Variants in FBXW4 observed in about 807,000 individuals in gnomAD.
FBXW4 encodes the protein F-box/WD repeat-containing protein 4.
A neutral mutation model predicts 61.8 loss-of-function variants in FBXW4; 40 were observed. The ratio of observed to expected loss-of-function variants is 0.65; its 90% CI spans 0.50 to 0.84. FBXW4 has a LOEUF of 0.84. Among genes scored for constraint, FBXW4 ranks in the 40% least tolerant of loss-of-function variants. The probability of loss-of-function intolerance (pLI) is 0.00; values close to 1 mark genes in which losing one functional copy is unlikely to be tolerated. For synonymous variants in FBXW4, 311 were observed against 313.8 expected (o/e 0.99, Z 0.10); for missense variants, 672 against 753.8 (o/e 0.89, Z 1.27).
chr10:101,624,728 G>T lies in FBXW4; in HGVS notation c.1301+17C>A, dbSNP rs756138293. The T allele has an allele frequency of 1.2e-6, 2 of 1,613,878 alleles. No homozygotes were observed. Among genetic ancestry groups the T allele is most frequent in the Non-Finnish European group, 1.7e-6 (2 of 1,179,770 alleles). ...CCTCCTGGACTGGAAGCCAGCATGG[G>T]CTCATGAATCTCTTACCTGTTGAGG... On this transcript the variant is annotated intron_variant, in intron 6 of 8. Transcript: ENST00000331272.
intron 7 of FBXW4, 29 bp downstream of exon 7, chr10:101,612,308 C>G: frequency 6.6e-7 from 1 of 1,508,194 alleles, no homozygotes; most frequent in East Asian, 2.4e-5. Flanking sequence ...GGGCCCCCAC[C>G]ACCTGTCCTC....
At chr10:101,634,552 T>C (rs1046986063) in intron 5 of FBXW4, among the ~76,000 whole-genome samples, 1 of 149,162 alleles carries the variant, frequency 6.7e-6, no homozygotes. Flanking sequence ...AATAGGTGAA[T>C]AGATCAGTGG....
At chr10:101,616,853 T>C (rs571818051) in intron 6 of FBXW4, among the ~76,000 whole-genome samples, 7 of 152,324 alleles carry the variant, frequency 4.6e-5, no homozygotes, top group Middle Eastern at 3.4e-3. Context: ...CAGGCCCCGA[T>C]TGTAGATAAG....
chr10:101,621,941 G>A (rs2063869647), intron 6 of FBXW4, among the ~76,000 whole-genome samples: 1 of 152,116 alleles, frequency 6.6e-6, no homozygotes, highest in Non-Finnish European at 1.5e-5. Flanking sequence ...CACAGCTTCA[G>A]GGAGCAAATC....
chr10:101,664,609 A>G (rs1459985736), intron 5 of FBXW4, among the ~76,000 whole-genome samples: 1 of 152,200 alleles, frequency 6.6e-6, no homozygotes, highest in Non-Finnish European at 1.5e-5. Context: ...CTGAGTCCCC[A>G]CCTCAAGAAG....
intron 5 of FBXW4, among the ~76,000 whole-genome samples, chr10:101,666,130 A>T (rs571914469): frequency 6.6e-6 from 1 of 152,282 alleles, no homozygotes; most frequent in Non-Finnish European, 1.5e-5. Context: ...GACAAAGCTC[A>T]ATGGCTCCAT....
intron 5 of FBXW4, among the ~76,000 whole-genome samples, chr10:101,662,491 T>C (rs1202308693): frequency 2.0e-5 from 3 of 152,184 alleles, no homozygotes; most frequent in Non-Finnish European, 4.4e-5. Flanking sequence ...CACAAAATTA[T>C]ATTGTATATT....
intron 5 of FBXW4, among the ~76,000 whole-genome samples, chr10:101,629,302 T>G (rs79467160): frequency 6.6e-6 from 1 of 152,074 alleles, no homozygotes; most frequent in Non-Finnish European, 1.5e-5. Context: ...TTTTTTTTTT[T>G]GAGACAGAGT....
At chr10:101,672,201 G>A (rs1392989993) in intron 4 of FBXW4, among the ~76,000 whole-genome samples, 3 of 152,186 alleles carry the variant, frequency 2.0e-5, no homozygotes, top group African/African-American at 7.2e-5. Flanking sequence ...TGTCAGCAAA[G>A]TTCCCACAGC....
intron 3 of FBXW4, 52 bp downstream of exon 3, chr10:101,673,436 T>C: frequency 6.3e-7 from 1 of 1,595,420 alleles, no homozygotes; most frequent in Non-Finnish European, 8.6e-7. Context: ...AGGCAGAATG[T>C]CCCCGAAGTA....
At chr10:101,678,488 C>A (rs1344726154) in intron 1 of FBXW4, among the ~76,000 whole-genome samples, 1 of 152,184 alleles carries the variant, frequency 6.6e-6, no homozygotes, top group Non-Finnish European at 1.5e-5. Context: ...TGCAGTGGCA[C>A]GATCTCGGCT....
intron 2 of FBXW4, among the ~76,000 whole-genome samples, chr10:101,675,877 TGCC>T (rs2064403163): frequency 6.6e-6 from 1 of 152,160 alleles, no homozygotes; most frequent in Non-Finnish European, 1.5e-5. Flanking sequence ...GATCCTACCC[TGCC>T]TTTTAATAAA....
chr10:101,681,261 G>A (rs755653241), intron 1 of FBXW4, among the ~76,000 whole-genome samples: 2 of 151,772 alleles, frequency 1.3e-5, no homozygotes, highest in African/African-American at 2.4e-5. Context: ...TGTAGTGGGC[G>A]TCTGCAATCC....
intron 5 of FBXW4, among the ~76,000 whole-genome samples, chr10:101,641,053 A>C (rs545373025): frequency 7.5e-6 from 1 of 133,476 alleles, no homozygotes; most frequent in African/African-American, 2.9e-5. Context: ...CTGGTGTCGA[A>C]CTCCTGACCT....
At chr10:101,635,922 G>C (rs995239459) in intron 5 of FBXW4, among the ~76,000 whole-genome samples, 5 of 152,048 alleles carry the variant, frequency 3.3e-5, no homozygotes, top group Admixed American at 6.5e-5. Flanking sequence ...ACCCTGGGGG[G>C]GCGGGCGGAG....
intron 5 of FBXW4, among the ~76,000 whole-genome samples, chr10:101,637,096 A>C (rs1427243251): frequency 1.3e-5 from 2 of 151,908 alleles, no homozygotes; most frequent in Non-Finnish European, 2.9e-5. Context: ...TTAAAAAGCC[A>C]CCATGGGCCG....
chr10:101,681,094 A>G (rs146716253), intron 1 of FBXW4, among the ~76,000 whole-genome samples: 801 of 152,336 alleles, frequency 5.3e-3, no homozygotes, highest in Non-Finnish European at 8.6e-3. Context: ...GTCTCCATAA[A>G]TAACAGGTCT....
chr10:101,666,757 C>T (rs2064304674), intron 5 of FBXW4, among the ~76,000 whole-genome samples: 1 of 152,018 alleles, frequency 6.6e-6, no homozygotes, highest in Non-Finnish European at 1.5e-5. Context: ...CCTCACTTGT[C>T]CATAGGTAAA....
intron 5 of FBXW4, among the ~76,000 whole-genome samples, chr10:101,658,501 C>T (rs139179531): frequency 0.086 from 13,044 of 152,112 alleles, 631 homozygotes; most frequent in African/African-American, 0.13. Flanking sequence ...GCCGAGATCG[C>T]GCCACTGCAC....
Sources: gnomAD v4.1 joint callset for allele counts (sites outside exome capture counted in the v4.1 genomes callset) on GRCh38, gnomAD v4.1.1 for gene constraint, MANE v1.5 for transcripts, NCBI Gene and HGNC (gene_info 2026-07-23, HGNC 2026-07-21) for gene names.